The following STARD13 variants were observed in gnomAD, a reference collection of about 807,000 sequenced individuals.
The protein encoded by STARD13 is StAR related lipid transfer domain containing 13.
STARD13 carries 62 observed loss-of-function variants against 106.4 expected under a neutral mutation model. That is an observed-to-expected ratio of 0.58 (90% CI 0.48 to 0.72). The LOEUF (loss-of-function observed/expected upper bound fraction) is 0.72. Among genes scored for constraint, STARD13 ranks in the 30% least tolerant of loss-of-function variants. The pLI is 0.00. For missense variants in STARD13, 1,387 were observed against 1,424.0 expected (o/e 0.97, Z 0.42); for synonymous variants, 565 against 553.0 (o/e 1.02, Z -0.31).
intron 1 of STARD13, among the ~76,000 whole-genome samples, chr13:33,339,529 A>G (rs377241037): frequency 1.4e-4 from 21 of 152,310 alleles, no homozygotes; most frequent in African/African-American, 4.8e-4. Flanking sequence ...ATGATATCCC[A>G]AATAGCTTCC....
intron 1 of STARD13, among the ~76,000 whole-genome samples, chr13:33,173,075 A>G (rs1180718883): frequency 6.6e-6 from 1 of 152,230 alleles, no homozygotes; most frequent in Non-Finnish European, 1.5e-5. Context: ...TTTCTAAAAG[A>G]CTACGGGTAC....
At chr13:33,325,980 G>GT (rs2077770545) in intron 1 of STARD13, among the ~76,000 whole-genome samples, 2 of 41,604 alleles carry the variant, frequency 4.8e-5, no homozygotes, top group Non-Finnish European at 8.5e-5. Flanking sequence ...GCGAGACTCC[G>GT]TTTAAAAAAA....
intron 1 of STARD13, among the ~76,000 whole-genome samples, chr13:33,170,265 C>G (rs574006689): frequency 6.6e-6 from 1 of 152,044 alleles, no homozygotes; most frequent in Non-Finnish European, 1.5e-5. Context: ...ATCTCATGTA[C>G]CCCATAAATA....
the STARD13 span, among the ~76,000 whole-genome samples, chr13:33,508,110 G>A: frequency 6.6e-6 from 1 of 152,130 alleles, no homozygotes; most frequent in Non-Finnish European, 1.5e-5. Flanking sequence ...AGGGAATACA[G>A]GCTTTTTGAT....
intron 1 of STARD13, among the ~76,000 whole-genome samples, chr13:33,241,766 T>C (rs1420233176): frequency 6.6e-6 from 1 of 152,156 alleles, no homozygotes; most frequent in African/African-American, 2.4e-5. Context: ...GGTCTCCAGC[T>C]CCTGACCGCG....
chr13:33,609,601 G>A, the STARD13 span, among the ~76,000 whole-genome samples: 3 of 145,250 alleles, frequency 2.1e-5, no homozygotes, highest in African/African-American at 7.7e-5. Flanking sequence ...GAGTCTCGCT[G>A]TGTTGCCCAG....
downstream of STARD13, among the ~76,000 whole-genome samples, chr13:33,346,612 G>GTTTATTTA (rs930247921): frequency 4.0e-5 from 6 of 151,868 alleles, no homozygotes; most frequent in African/African-American, 1.5e-4. Context: ...AGGTTTGTTT[G>GTTTATTTA]TTTATTTATT....
the STARD13 span, among the ~76,000 whole-genome samples, chr13:33,356,822 G>A: frequency 6.6e-6 from 1 of 152,168 alleles, no homozygotes; most frequent in African/African-American, 2.4e-5. Context: ...AGTCACTCAT[G>A]AGAATTATAA....
At chr13:33,408,442 C>T in the STARD13 span, among the ~76,000 whole-genome samples, 1 of 151,844 alleles carries the variant, frequency 6.6e-6, no homozygotes, top group Admixed American at 6.6e-5. Flanking sequence ...TTTCATTTAA[C>T]ATAATCTCCT....
chr13:33,302,159 T>A (rs1456246246), intron 1 of STARD13, among the ~76,000 whole-genome samples: 1 of 152,170 alleles, frequency 6.6e-6, no homozygotes, highest in East Asian at 1.9e-4. Context: ...GAAATAATGA[T>A]GATAACAGCA....
chr13:33,252,254 C>T (rs74045744), intron 1 of STARD13, among the ~76,000 whole-genome samples: 1,693 of 152,340 alleles, frequency 0.011, 35 homozygotes, highest in African/African-American at 0.038. Flanking sequence ...CACACTCCTA[C>T]GTCCTGCCTA....
chr13:33,218,335 G>A (rs1381192475), intron 1 of STARD13, among the ~76,000 whole-genome samples: 1 of 152,162 alleles, frequency 6.6e-6, no homozygotes, highest in Non-Finnish European at 1.5e-5. Context: ...TTAAGTGAAG[G>A]TTTCCAGGTG....
At chr13:33,385,248 T>TATATATAC in the STARD13 span, among the ~76,000 whole-genome samples, 4 of 131,972 alleles carry the variant, frequency 3.0e-5, no homozygotes, top group Non-Finnish European at 4.8e-5. Context: ...TATATATATA[T>TATATATAC]ATATATATAT....
chr13:33,249,463 C>A (rs563722145), intron 1 of STARD13, among the ~76,000 whole-genome samples: 64 of 152,324 alleles, frequency 4.2e-4, no homozygotes, highest in African/African-American at 1.4e-3. Flanking sequence ...GTCTTTGACT[C>A]CACCTCCTTT....
At chr13:33,323,943 G>T (rs1350785502) in intron 1 of STARD13, among the ~76,000 whole-genome samples, 1 of 152,104 alleles carries the variant, frequency 6.6e-6, no homozygotes, top group Non-Finnish European at 1.5e-5. Flanking sequence ...ATTTCATAAG[G>T]CTATTTCCAC....
the STARD13 span, among the ~76,000 whole-genome samples, chr13:33,651,517 A>G: frequency 2.5e-4 from 38 of 152,336 alleles, no homozygotes; most frequent in Admixed American, 1.6e-3. Flanking sequence ...TTTGGACAAT[A>G]AATTATATGA....
chr13:33,129,542 C>G lies in STARD13; in HGVS notation c.1135G>C (p.Gly379Arg). The G allele has an allele frequency of 2.5e-6, 4 of 1,614,182 alleles. No homozygotes were observed. The South Asian group carries it at 4.4e-5, about 18-fold the overall frequency. The part of the protein sequence containing the change: ...VLAGTALPDA[G>R]DQSRMHEFHS... ...AATTCATGCATACGGCTTTGGTCCC[C>G]TGCATCCGGCAGTGCTGTCCCCGCC... Residue 379 changes from glycine (G) to arginine (R), a missense_variant, in exon 5 of 14, where the codon GGG becomes CGG. Transcript: ENST00000336934.
chr13:33,192,610 C>T (rs1886329237), intron 1 of STARD13, among the ~76,000 whole-genome samples: 1 of 152,184 alleles, frequency 6.6e-6, no homozygotes, highest in Non-Finnish European at 1.5e-5. Context: ...AAGGTATTAC[C>T]ATTCCCAGTG....
intron 2 of STARD13, among the ~76,000 whole-genome samples, chr13:33,167,244 A>G (rs1883426008): frequency 6.6e-6 from 1 of 152,196 alleles, no homozygotes; most frequent in Non-Finnish European, 1.5e-5. Context: ...AACAAGGAGA[A>G]AAAGAAGGAA....
Sources: allele counts gnomAD v4.1 joint callset (sites outside exome capture counted in the v4.1 genomes callset), GRCh38; gene constraint gnomAD v4.1.1; transcripts MANE v1.5; gene names NCBI Gene and HGNC (gene_info 2026-07-23, HGNC 2026-07-21).